Variants in GNB4 observed in about 807,000 individuals in gnomAD.
The protein encoded by GNB4 is guanine nucleotide-binding protein subunit beta-4.
GNB4 carries 28 observed loss-of-function variants against 45.2 expected under a neutral mutation model. The ratio of observed to expected loss-of-function variants is 0.62; its 90% CI spans 0.46 to 0.85. The LOEUF is 0.85. GNB4 is among the 40% of genes least tolerant of loss of function. The pLI is 0.00. For missense variants in GNB4, 321 were observed against 425.4 expected (o/e 0.75, Z 2.16); for synonymous variants, 132 against 143.7 (o/e 0.92, Z 0.58).
chr3:179,505,594 T>A, the GNB4 span, among the ~76,000 whole-genome samples: 1 of 152,238 alleles, frequency 6.6e-6, no homozygotes, highest in African/African-American at 2.4e-5. Context: ...GTGGATTTTA[T>A]TCCTGCTCTC....
Position 179,450,121 on chromosome 3 carries a change from ATTTCAG to A in GNB4, c.-43+1219_-43+1224del, listed in dbSNP as rs142336212. 8.6e-3 allele frequency among the ~76,000 whole-genome samples: 1,308 copies of A among 152,352 alleles called. 14 individuals carry two copies. The highest frequency in any genetic ancestry group is 0.03 in the African/African-American group (1,243 of 41,572). On this transcript the variant is annotated intron_variant, in intron 1 of 9. Transcript: ENST00000232564. ...ATAAGATGATATTTTAAAAGTTTCT[ATTTCAG>A]TTTCAAATTCATCTACAAACCAAAA...
At chr3:179,484,151 G>T in the GNB4 span, among the ~76,000 whole-genome samples, 2 of 152,146 alleles carry the variant, frequency 1.3e-5, no homozygotes, top group East Asian at 1.9e-4. Context: ...CGTATCAATA[G>T]TATTCTTCAA....
chr3:179,451,075 GGGCGAGCGGTCT>G (rs917568423), intron 1 of GNB4: 3 of 152,212 alleles, frequency 2.0e-5, no homozygotes, highest in Admixed American at 2.0e-4. Flanking sequence ...TCGCTCCCCG[GGGCGAGCGGTCT>G]GGACCGCCCG....
chr3:179,471,368 C>G, the GNB4 span, among the ~76,000 whole-genome samples: 36 of 152,244 alleles, frequency 2.4e-4, no homozygotes, highest in Admixed American at 2.2e-3. Context: ...CTTTCAGTCC[C>G]GCAAGCCCCA....
chr3:179,470,348 C>T, the GNB4 span, among the ~76,000 whole-genome samples: 1 of 151,864 alleles, frequency 6.6e-6, no homozygotes, highest in African/African-American at 2.4e-5. Context: ...TGAAGCCTTC[C>T]AGTATAGATG....
At chr3:179,490,429 CGATA>C in the GNB4 span, among the ~76,000 whole-genome samples, 1 of 151,912 alleles carries the variant, frequency 6.6e-6, no homozygotes, top group Non-Finnish European at 1.5e-5. Context: ...GTAGGTAGAT[CGATA>C]GATAGAGACA....
At chr3:179,492,517 C>T in the GNB4 span, among the ~76,000 whole-genome samples, 17 of 152,228 alleles carry the variant, frequency 1.1e-4, no homozygotes, top group African/African-American at 4.1e-4. Flanking sequence ...CCTGAGTTGC[C>T]ACTGTGTCAC....
rs199620294 is a variant in GNB4 at position 179,405,409 on chromosome 3, A to G, written c.700-3T>C. 16 of 1,596,118 alleles carry G rather than the reference A, an allele frequency of 1.0e-5. No homozygotes were observed. Among genetic ancestry groups the G allele is most frequent in the Non-Finnish European group, 1.3e-5 (15 of 1,165,804 alleles). On this transcript the variant is annotated splice_region_variant and splice_polypyrimidine_tract_variant and intron_variant, in intron 8 of 9. Transcript: ENST00000232564. ...AAGGCATATCCATTTGGGAAAAACT[A>G]GACAGGAAAGTAACAAACATTTATT...
the GNB4 span, among the ~76,000 whole-genome samples, chr3:179,492,299 C>T: frequency 6.6e-6 from 1 of 152,146 alleles, no homozygotes; most frequent in Admixed American, 6.5e-5. Context: ...ACTGTGCTTC[C>T]CCTAGGAAAG....
chr3:179,515,124 G>A, the GNB4 span, among the ~76,000 whole-genome samples: 8 of 152,302 alleles, frequency 5.3e-5, no homozygotes, highest in Middle Eastern at 3.4e-3. Context: ...TTAGCAACCT[G>A]AGCGATTTCA....
At position 179,420,927 on chromosome 3, in the gene GNB4, C is replaced by G. The variant is rs1380542405; in HGVS notation, c.58G>C (p.Asp20His). The stretch of plus-strand genomic sequence containing the variant: ...GCATCATTACATGCTTTCCGAGCAT[C>G]CTGAAGTAAAAAAATATGATTATAA... Reference protein sequence around the residue: ...EAEQLRNQIQDARKACNDATL... With the variant: ...EAEQLRNQIQHARKACNDATL... Residue 20 changes from aspartate to histidine, a missense_variant and splice_region_variant, in exon 3 of 10, where the codon GAT (aspartate) becomes CAT (histidine). Physicochemically the swap from Asp to His is moderately conservative, Grantham distance 81. Transcript: ENST00000232564. 9.5e-6 allele frequency: 15 copies of G among 1,573,766 alleles called. No homozygotes were observed. Among genetic ancestry groups the G allele is most frequent in the Non-Finnish European group, 1.2e-5 (14 of 1,148,992 alleles).
At chr3:179,457,133 G>GA in the GNB4 span, among the ~76,000 whole-genome samples, 1 of 152,038 alleles carries the variant, frequency 6.6e-6, no homozygotes. Flanking sequence ...CTGCTCTTTA[G>GA]AAAAAAACTC....
chr3:179,434,394 A>T (rs1455123610), intron 1 of GNB4, among the ~76,000 whole-genome samples: 1 of 152,172 alleles, frequency 6.6e-6, no homozygotes, highest in African/African-American at 2.4e-5. Context: ...AAACTCAAAA[A>T]ACAACTACAA....
rs1714148188 is a variant in GNB4 at position 179,397,352 on chromosome 3, AT to A, written c.*3860del. 6.6e-6 allele frequency: 1 copy of A among 152,242 alleles called. No individual in the cohort carries two copies. Among genetic ancestry groups the A allele is most frequent in the Non-Finnish European group, 1.5e-5 (1 of 68,038 alleles). The allele number at this position is 152,242 out of a possible 1,614,324, so 9.4% of individuals were successfully genotyped here. A position where few individuals can be genotyped will look rare whatever the true frequency, so the allele number is the denominator to read the frequency against. On this transcript the variant is annotated 3_prime_UTR_variant, in exon 10 of 10. Transcript: ENST00000232564. Reference sequence around the variant, plus strand: ...GCTAGTTATACAATATTGGCACAGCATTTTTAAGCAATAATAAAAGTTTCAT... The same window carrying A: ...GCTAGTTATACAATATTGGCACAGCATTTTAAGCAATAATAAAAGTTTCAT...
chr3:179,490,110 C>A, the GNB4 span, among the ~76,000 whole-genome samples: 1 of 152,110 alleles, frequency 6.6e-6, no homozygotes, highest in East Asian at 1.9e-4. Flanking sequence ...AAGTATAAAA[C>A]CTAGACAGAA....
chr3:179,446,174 T>A (rs893433839), intron 1 of GNB4, among the ~76,000 whole-genome samples: 3 of 152,210 alleles, frequency 2.0e-5, no homozygotes, highest in Non-Finnish European at 4.4e-5. Flanking sequence ...CAAAGGAAAT[T>A]CTCCGGTCCC....
chr3:179,403,959 C>CA (rs1192549615), intron 9 of GNB4, among the ~76,000 whole-genome samples: 1 of 151,672 alleles, frequency 6.6e-6, no homozygotes, highest in Non-Finnish European at 1.5e-5. Context: ...AACAAGCCCC[C>CA]ACCCCCAAAT....
At chr3:179,499,610 A>G in the GNB4 span, among the ~76,000 whole-genome samples, 1 of 152,206 alleles carries the variant, frequency 6.6e-6, no homozygotes, top group Non-Finnish European at 1.5e-5. Context: ...TATACCCAGT[A>G]ATGGGATTGC....
At chr3:179,412,902 AG>A (rs1412927000) in intron 8 of GNB4, among the ~76,000 whole-genome samples, 1 of 152,046 alleles carries the variant, frequency 6.6e-6, no homozygotes, top group Admixed American at 6.6e-5. Flanking sequence ...CTAGGTTGCC[AG>A]GAACAGTGGC....
Sources: allele counts gnomAD v4.1 joint callset (sites outside exome capture counted in the v4.1 genomes callset), GRCh38; gene constraint gnomAD v4.1.1; transcripts MANE v1.5; gene names NCBI Gene and HGNC (gene_info 2026-07-23, HGNC 2026-07-21).